The following VPS39 variants were observed in gnomAD, a reference collection of about 807,000 sequenced individuals.
VPS39 encodes VPS39 subunit of HOPS complex.
Under a neutral mutation model 121.0 loss-of-function variants are expected in VPS39, and 70 were observed. The observed-to-expected ratio is 0.58, with a 90% CI of 0.48 to 0.71. The LOEUF is 0.71. VPS39 is among the 30% of genes least tolerant of loss of function. VPS39 has a pLI of 0.00. For synonymous variants in VPS39, 378 were observed against 398.1 expected (o/e 0.95, Z 0.60); for missense variants, 818 against 1,051.5 (o/e 0.78, Z 3.07).
chr15:42,166,165 G>A lies in VPS39; in HGVS notation c.1674C>T (p.Gly558=). ...VWVLRDFPED[G]LKIFTEDLPE... is the part of the protein sequence containing the mutation. Reference sequence around the variant, plus strand: ...AGGGACTCCTGTGGCTCACCTTCAGGCCATCTTCTGGGAAGTCTCTCAGCA... The same window carrying A: ...AGGGACTCCTGTGGCTCACCTTCAGACCATCTTCTGGGAAGTCTCTCAGCA... The change falls in exon 16 of 25, where the codon GGC becomes GGT. Residue 558 remains glycine (G), a synonymous_variant. Coordinates refer to ENST00000318006, the MANE Select transcript of VPS39 (RefSeq NM_015289.5). 6.2e-7 allele frequency: 1 copy of A among 1,614,116 alleles called. No homozygotes were observed. Among genetic ancestry groups the A allele is most frequent in the Non-Finnish European group, 8.5e-7 (1 of 1,179,970 alleles).
chr15:42,205,242 G>A (rs2050144622), intron 1 of VPS39, among the ~76,000 whole-genome samples: 1 of 152,158 alleles, frequency 6.6e-6, no homozygotes, highest in Admixed American at 6.5e-5. Flanking sequence ...TGGAGTGAGA[G>A]AGGCAATAAT....
At chr15:42,169,339 G>A (rs1181335037) in intron 12 of VPS39, among the ~76,000 whole-genome samples, 1 of 152,092 alleles carries the variant, frequency 6.6e-6, no homozygotes, top group African/African-American at 2.4e-5. Flanking sequence ...TTTCTGCTTT[G>A]TACTTTTTTG....
At chr15:42,202,797 CT>C (rs1210142962) in intron 1 of VPS39, among the ~76,000 whole-genome samples, 1 of 152,124 alleles carries the variant, frequency 6.6e-6, no homozygotes, top group Non-Finnish European at 1.5e-5. Flanking sequence ...CTGGGGACCC[CT>C]GTGACACCTT....
intron 12 of VPS39, 35 bp downstream of exon 12, chr15:42,169,689 G>A: frequency 1.9e-6 from 3 of 1,555,668 alleles, no homozygotes; most frequent in Non-Finnish European, 2.6e-6. Flanking sequence ...GAAACTCCCA[G>A]GCAAACTCTT....
chr15:42,198,722 T>A (rs1346017916), intron 2 of VPS39, among the ~76,000 whole-genome samples: 1 of 152,196 alleles, frequency 6.6e-6, no homozygotes, highest in East Asian at 1.9e-4. Context: ...TGCATGTTTT[T>A]GTAAATAAAG....
chr15:42,168,631 C>G (rs1299834470), intron 12 of VPS39, among the ~76,000 whole-genome samples: 1 of 151,838 alleles, frequency 6.6e-6, no homozygotes, highest in African/African-American at 2.4e-5. Flanking sequence ...TCCACCTCTG[C>G]CTCCTGAGTT....
At chr15:42,205,638 G>T (rs991429480) in intron 1 of VPS39, among the ~76,000 whole-genome samples, 2 of 152,218 alleles carry the variant, frequency 1.3e-5, no homozygotes, top group Non-Finnish European at 2.9e-5. Flanking sequence ...ACTTATTCTA[G>T]TTGTGATGTG....
At position 42,208,199 on chromosome 15, in the gene VPS39, C is replaced by T; in HGVS notation, c.-46G>A. The T allele has an allele frequency of 1.3e-6, 2 of 1,552,566 alleles. No individual in the cohort carries two copies. Among genetic ancestry groups the T allele is most frequent in the African/African-American group, 1.4e-5 (1 of 73,214 alleles). ...CACCGCCGTCTCGCCCAGAGTGTTCCGGGCCGGGCTGGGGTCCGGAACGAG... is the reference window on the plus strand; with the variant it reads ...CACCGCCGTCTCGCCCAGAGTGTTCTGGGCCGGGCTGGGGTCCGGAACGAG... On this transcript the variant is annotated 5_prime_UTR_variant, in exon 1 of 25. Transcript: ENST00000318006.
intron 8 of VPS39, among the ~76,000 whole-genome samples, chr15:42,180,251 TA>T (rs1186542805): frequency 1.3e-5 from 2 of 152,224 alleles, no homozygotes; most frequent in African/African-American, 4.8e-5. Flanking sequence ...TGTCGAGTCT[TA>T]AAATTGTTTT....
At chr15:42,207,742 C>T (rs1334230988) in intron 1 of VPS39, among the ~76,000 whole-genome samples, 3 of 152,334 alleles carry the variant, frequency 2.0e-5, no homozygotes, top group African/African-American at 7.2e-5. Context: ...GAACTTCTTA[C>T]TGCTTTGACC....
chr15:42,191,335 G>T, intron 3 of VPS39, 161 bp downstream of exon 3: 1 of 1,078,220 alleles, frequency 9.3e-7, no homozygotes, highest in Non-Finnish European at 1.4e-6. Flanking sequence ...CTGCTTGTGA[G>T]AGAGGATCTC....
chr15:42,182,800 C>G (rs1356052723), intron 8 of VPS39, among the ~76,000 whole-genome samples: 2 of 152,214 alleles, frequency 1.3e-5, no homozygotes, highest in Non-Finnish European at 2.9e-5. Context: ...TTTTGAGAAG[C>G]ACTGATGAAG....
At chr15:42,195,512 T>C (rs1489931993) in intron 2 of VPS39, among the ~76,000 whole-genome samples, 4 of 152,152 alleles carry the variant, frequency 2.6e-5, no homozygotes, top group Non-Finnish European at 5.9e-5. Context: ...CCACAAGCAT[T>C]CTTATACACC....
rs1566886241 is a variant in VPS39, at chr15:42,159,942, G to A, written c.*812C>T. 6.6e-6 allele frequency: 1 copy of A among 152,362 alleles called. No homozygotes were observed. Among genetic ancestry groups the A allele is most frequent in the East Asian group, 1.9e-4 (1 of 5,200 alleles). The allele number at this position is 152,362 out of a possible 1,614,324, so 9.4% of individuals were successfully genotyped here. ...GGCAGGCCCATCCTCAGGAGCTGCA[G>A]TCACACTCAGCCCGGCCTGAGGCAA... On this transcript the variant is annotated 3_prime_UTR_variant, in exon 25 of 25. Transcript: ENST00000318006.
At chr15:42,199,179 A>G (rs1437293687) in intron 2 of VPS39, among the ~76,000 whole-genome samples, 2 of 152,212 alleles carry the variant, frequency 1.3e-5, no homozygotes, top group African/African-American at 4.8e-5. Context: ...TCTATTCTCC[A>G]TAAAGAGAGC....
At chr15:42,187,909 G>A in intron 5 of VPS39, 53 bp from the exon 6 acceptor site, 12 of 1,518,422 alleles carry the variant, frequency 7.9e-6, no homozygotes, top group Non-Finnish European at 1.0e-5. Flanking sequence ...CTCTAACTGA[G>A]TGATAACTAA....
chr15:42,160,626 A>T lies in VPS39; in HGVS notation c.*128T>A. On this transcript the variant is annotated 3_prime_UTR_variant, in exon 25 of 25. Transcript: ENST00000318006. ...TTAATTCAGAGTTGTTCCAGGGCACAAGATAGCCAGTAATGTCCAAATGGG... is the reference window on the plus strand; with the variant it reads ...TTAATTCAGAGTTGTTCCAGGGCACTAGATAGCCAGTAATGTCCAAATGGG... 1.2e-6 allele frequency: 1 copy of T among 817,576 alleles called. No homozygotes were observed. Among genetic ancestry groups the T allele is most frequent in the Non-Finnish European group, 2.1e-6 (1 of 473,910 alleles). The allele number at this position is 817,576 out of a possible 1,614,324, so 50.6% of individuals were successfully genotyped here.
chr15:42,194,569 CAAG>C (rs770370892), intron 2 of VPS39, among the ~76,000 whole-genome samples: 7 of 152,152 alleles, frequency 4.6e-5, no homozygotes, highest in Admixed American at 6.5e-5. Flanking sequence ...CTCATCTTTA[CAAG>C]AAGTGAAAAA....
intron 10 of VPS39, among the ~76,000 whole-genome samples, chr15:42,176,339 G>A (rs2049451179): frequency 6.6e-6 from 1 of 151,882 alleles, no homozygotes; most frequent in African/African-American, 2.4e-5. Context: ...TTAAACATAT[G>A]TGTTTAATCA....
Sources: gnomAD v4.1 joint callset for allele counts (sites outside exome capture counted in the v4.1 genomes callset) on GRCh38, gnomAD v4.1.1 for gene constraint, MANE v1.5 for transcripts, NCBI Gene and HGNC (gene_info 2026-07-23, HGNC 2026-07-21) for gene names.